The following GALNT13 variants were observed in gnomAD, a reference collection of about 807,000 sequenced individuals.
The protein encoded by GALNT13 is polypeptide N-acetylgalactosaminyltransferase 13, also known as UDP-GalNAc:polypeptide N-acetylgalactosaminyltransferase 13.
In GALNT13, 28 loss-of-function variants were observed where a neutral mutation model predicts 64.2. The observed-to-expected ratio is 0.44, with a 90% CI of 0.32 to 0.60. The LOEUF is 0.60. GALNT13 is among the 20% of genes least tolerant of loss of function. GALNT13 has a pLI of 0.05. For missense variants in GALNT13, 577 were observed against 669.8 expected (o/e 0.86, Z 1.53); for synonymous variants, 214 against 224.6 (o/e 0.95, Z 0.42).
chr2:153,269,789 A>G, the GALNT13 span, among the ~76,000 whole-genome samples: 1 of 152,136 alleles, frequency 6.6e-6, no homozygotes, highest in African/African-American at 2.4e-5. Context: ...GTTGAAGGTG[A>G]AGGAGAAACA....
intron 9 of GALNT13, among the ~76,000 whole-genome samples, chr2:154,316,552 C>G (rs977828004): frequency 6.6e-6 from 1 of 152,164 alleles, no homozygotes; most frequent in South Asian, 2.1e-4. Context: ...ACACAATACC[C>G]GAGAGTGGGT....
Position 154,396,199 on chromosome 2 carries a change from G to A in GALNT13, c.1296+69G>A, listed in dbSNP as rs6740865. ...AATGGAGCAATTTCTAAGGAGCTCA[G>A]TATTTTTTATGTTATGAAAATGCTG... On this transcript the variant is annotated intron_variant, in intron 10 of 12. Coordinates refer to ENST00000392825, the MANE Select transcript of GALNT13 (RefSeq NM_052917.4). 2.5e-4 allele frequency: 259 copies of A among 1,029,922 alleles called. 1 individual carries two copies. In the African/African-American group the frequency reaches 3.9e-3, roughly 16 times the overall value. 63.8% of individuals were successfully genotyped at this position (1,029,922 alleles called of 1,614,324 possible). A position where few individuals can be genotyped will look rare whatever the true frequency, so the allele number is the denominator to read the frequency against.
At chr2:153,806,917 G>GAA in the GALNT13 span, among the ~76,000 whole-genome samples, 3 of 151,322 alleles carry the variant, frequency 2.0e-5, no homozygotes, top group African/African-American at 7.3e-5. Context: ...ACACTTTGGT[G>GAA]AAAAAAAATT....
intron 8 of GALNT13, among the ~76,000 whole-genome samples, chr2:154,289,500 T>G (rs1310351854): frequency 6.6e-6 from 1 of 152,080 alleles, no homozygotes; most frequent in Non-Finnish European, 1.5e-5. Context: ...GCAAGACAGC[T>G]TGTGTAGGGG....
chr2:153,118,487 G>T, the GALNT13 span, among the ~76,000 whole-genome samples: 624 of 152,216 alleles, frequency 4.1e-3, 3 homozygotes, highest in Non-Finnish European at 7.1e-3. Flanking sequence ...CCACATTGGG[G>T]TACAATTATC....
intron 12 of GALNT13, chr2:154,446,742 T>C (rs995471961): frequency 2.9e-5 from 45 of 1,533,748 alleles, no homozygotes; most frequent in Admixed American, 4.1e-5. Flanking sequence ...TTCTACTGAT[T>C]ACATTCTCTA....
At chr2:153,834,399 A>C in the GALNT13 span, among the ~76,000 whole-genome samples, 1 of 152,184 alleles carries the variant, frequency 6.6e-6, no homozygotes, top group East Asian at 1.9e-4. Flanking sequence ...ATAAAAGCCA[A>C]AGAATCTCAG....
At chr2:154,266,502 A>T (rs1364224611) in intron 8 of GALNT13, among the ~76,000 whole-genome samples, 2 of 152,106 alleles carry the variant, frequency 1.3e-5, no homozygotes, top group African/African-American at 4.8e-5. Context: ...GATATTAAAC[A>T]TTATCTAAAA....
intron 9 of GALNT13, among the ~76,000 whole-genome samples, chr2:154,353,829 G>A (rs560183535): frequency 9.2e-5 from 14 of 152,192 alleles, no homozygotes; most frequent in Admixed American, 3.9e-4. Flanking sequence ...GACTTTGGTC[G>A]TTTCCATATC....
the GALNT13 span, among the ~76,000 whole-genome samples, chr2:153,163,622 A>G: frequency 2.0e-4 from 31 of 152,122 alleles, 1 homozygote; most frequent in Admixed American, 1.3e-4. Context: ...AACCTGGAAT[A>G]AGTCTCCAAA....
At chr2:154,275,080 G>A (rs534910450) in intron 8 of GALNT13, among the ~76,000 whole-genome samples, 3 of 152,202 alleles carry the variant, frequency 2.0e-5, no homozygotes, top group East Asian at 3.9e-4. Flanking sequence ...ATAATTTAGG[G>A]TATCTGGCAG....
chr2:153,643,502 T>G, the GALNT13 span, among the ~76,000 whole-genome samples: 3 of 151,720 alleles, frequency 2.0e-5, no homozygotes, highest in South Asian at 6.2e-4. Context: ...CTTTAAAATC[T>G]GAGTTCAAAG....
chr2:153,529,036 A>C, the GALNT13 span, among the ~76,000 whole-genome samples: 1 of 151,964 alleles, frequency 6.6e-6, no homozygotes, highest in Non-Finnish European at 1.5e-5. Context: ...CAGGAAAACA[A>C]ACCCCAAAAC....
chr2:153,276,884 C>A, the GALNT13 span, among the ~76,000 whole-genome samples: 26 of 151,986 alleles, frequency 1.7e-4, no homozygotes, highest in African/African-American at 5.8e-4. Flanking sequence ...AAAAAGAAGT[C>A]CTTAATCTTA....
chr2:153,581,039 T>C, the GALNT13 span, among the ~76,000 whole-genome samples: 35 of 152,190 alleles, frequency 2.3e-4, no homozygotes, highest in Non-Finnish European at 2.8e-4. Flanking sequence ...TGTTCTATTA[T>C]AGTGCTCAAC....
At position 154,430,972 on chromosome 2, in the gene GALNT13, C is replaced by T. The variant is rs116906903; in HGVS notation, c.1396-7620C>T. On this transcript the variant is annotated intron_variant, in intron 11 of 12. Transcript: ENST00000392825. ...CAATGCTACTGCACGCTTAATATGG[C>T]TACAGTATGGTGTAAACATAACTCC... Among the ~76,000 whole-genome samples the T allele has an allele frequency of 1.6e-4, 24 of 152,288 alleles. No individual in the cohort carries two copies. In the East Asian group the frequency reaches 4.0e-3, roughly 26 times the overall value.
intron 3 of GALNT13, among the ~76,000 whole-genome samples, chr2:154,038,568 C>T (rs549388506): frequency 6.6e-6 from 1 of 152,162 alleles, no homozygotes; most frequent in East Asian, 1.9e-4. Context: ...GCATGCAAGA[C>T]AACGTAAGTA....
chr2:153,360,576 C>T, the GALNT13 span, among the ~76,000 whole-genome samples: 1 of 152,202 alleles, frequency 6.6e-6, no homozygotes, highest in Non-Finnish European at 1.5e-5. Flanking sequence ...GTATTCCCCA[C>T]AGCCCAACAC....
At chr2:153,083,066 A>T in the GALNT13 span, among the ~76,000 whole-genome samples, 30 of 152,084 alleles carry the variant, frequency 2.0e-4, no homozygotes, top group African/African-American at 7.2e-4. Context: ...TGACCACTTG[A>T]TCTGCCCACC....
Sources: allele counts gnomAD v4.1 joint callset (sites outside exome capture counted in the v4.1 genomes callset), GRCh38; gene constraint gnomAD v4.1.1; transcripts MANE v1.5; gene names NCBI Gene and HGNC (gene_info 2026-07-23, HGNC 2026-07-21).